Variants in CYP20A1 observed in about 807,000 individuals in gnomAD.
The protein encoded by CYP20A1 is cytochrome P450 family 20 subfamily A member 1.
Under a neutral mutation model 61.4 loss-of-function variants are expected in CYP20A1, and 61 were observed. The observed-to-expected ratio is 0.99, with a 90% confidence interval of 0.81 to 1.23. The LOEUF (loss-of-function observed/expected upper bound fraction) is 1.23, where lower values mean the gene tolerates loss of function less well. Among genes scored for constraint, CYP20A1 ranks in the 50% most tolerant of loss-of-function variants. The pLI, the probability that CYP20A1 is intolerant of heterozygous loss-of-function variation, is 0.00. For missense variants in CYP20A1, 530 were observed against 542.4 expected, an observed-to-expected ratio of 0.98 and a Z score of 0.23; for synonymous variants, 193 against 188.2, an observed-to-expected ratio of 1.03 and a Z score of -0.21.
intron 11 of CYP20A1, among the ~76,000 whole-genome samples, chr2:203,293,284 A>G (rs1575276736): frequency 8.2e-6 from 1 of 121,222 alleles, no homozygotes; most frequent in African/African-American, 3.2e-5. Context: ...GGTATGATCT[A>G]GTGTCACTGC....
intron 6 of CYP20A1, among the ~76,000 whole-genome samples, chr2:203,277,359 G>GAA (rs368683522): frequency 9.0e-6 from 1 of 111,142 alleles, no homozygotes; most frequent in Non-Finnish European, 2.0e-5. Context: ...AAAAAAAAAA[G>GAA]AAAAAGAAAA....
intron 8 of CYP20A1, among the ~76,000 whole-genome samples, chr2:203,281,600 A>G (rs2068042705): frequency 6.6e-6 from 1 of 152,104 alleles, no homozygotes; most frequent in Non-Finnish European, 1.5e-5. Context: ...CAGGAGTTCG[A>G]GACCAGCCTG....
chr2:203,266,366 G>GC, intron 4 of CYP20A1, 148 bp from the exon 5 acceptor site: 1 of 646,664 alleles, frequency 1.5e-6, no homozygotes, highest in Non-Finnish European at 2.7e-6. Flanking sequence ...TATAGGTGGA[G>GC]CTAGTGTTAG....
chr2:203,272,638 G>A (rs1349204167), intron 5 of CYP20A1, 32 bp from the exon 6 acceptor site: 3 of 1,370,664 alleles, frequency 2.2e-6, no homozygotes, highest in Non-Finnish European at 3.0e-6. Flanking sequence ...CTACCTATTA[G>A]ATAATAGTTA....
chr2:203,300,994 C>G lies in CYP20A1; in HGVS notation c.*4086C>G, dbSNP rs1214623101. 6.7e-6 allele frequency among the ~76,000 whole-genome samples: 1 copy of G among 148,684 alleles called. No homozygotes were observed. The highest frequency in any genetic ancestry group is 2.5e-5 in the African/African-American group (1 of 40,332). ...GGCAGATCACCTGAAGTCAGGAGTT[C>G]AAGACCAGCCTGACCAACATGGAGA... On this transcript the variant is annotated 3_prime_UTR_variant, in exon 13 of 13. Coordinates refer to ENST00000356079, the MANE Select transcript of CYP20A1 (RefSeq NM_177538.3).
chr2:203,252,435 C>T (rs1185085778), intron 4 of CYP20A1, among the ~76,000 whole-genome samples: 1 of 152,026 alleles, frequency 6.6e-6, no homozygotes, highest in African/African-American at 2.4e-5. Context: ...CACTCTGTCA[C>T]CCAGGCTGGA....
chr2:203,250,132 T>A (rs936281755), intron 3 of CYP20A1, among the ~76,000 whole-genome samples: 1 of 152,152 alleles, frequency 6.6e-6, no homozygotes, highest in Non-Finnish European at 1.5e-5. Context: ...ATCCATAAAT[T>A]GATCATCACA....
At chr2:203,292,219 A>G (rs772865248) in intron 10 of CYP20A1, 43 bp from the exon 11 acceptor site, 1 of 1,352,332 alleles carries the variant, frequency 7.4e-7, no homozygotes, top group South Asian at 1.3e-5. Context: ...GAGTCATTTT[A>G]TCTCTGTTAG....
At chr2:203,295,245 A>G (rs2068740778) in intron 11 of CYP20A1, among the ~76,000 whole-genome samples, 1 of 151,478 alleles carries the variant, frequency 6.6e-6, no homozygotes, top group South Asian at 2.1e-4. Flanking sequence ...GCGCCTGGCC[A>G]AAAATTTTTA....
At chr2:203,276,971 C>CA (rs1488942558) in intron 6 of CYP20A1, among the ~76,000 whole-genome samples, 1 of 151,968 alleles carries the variant, frequency 6.6e-6, no homozygotes, top group Non-Finnish European at 1.5e-5. Flanking sequence ...GAAAAAGAAT[C>CA]AAAAAAGGAG....
intron 8 of CYP20A1, among the ~76,000 whole-genome samples, chr2:203,285,167 G>A (rs942356464): frequency 5.3e-5 from 8 of 152,054 alleles, no homozygotes; most frequent in South Asian, 2.1e-4. Context: ...TTGATTTATC[G>A]ATAAATCTGC....
At position 203,279,994 on chromosome 2, in the gene CYP20A1, TAGC is replaced by T; in HGVS notation, c.796-62_796-60del. 17 of 1,023,762 alleles carry T rather than the reference TAGC, an allele frequency of 1.7e-5. No homozygotes were observed. The South Asian group carries it at 3.0e-4, about 18-fold the overall frequency. The allele number at this position is 1,023,762 out of a possible 1,614,324, so 63.4% of individuals were successfully genotyped here. A position where few individuals can be genotyped will look rare whatever the true frequency, so the allele number is the denominator to read the frequency against. On this transcript the variant is annotated intron_variant, in intron 7 of 12. Transcript: ENST00000356079. Reference sequence around the variant, plus strand: ...ACTAATTTTATGCTGTAGATTATTTTAGCAGGGCCTAATATAGGCTACCTTACA... The same window carrying T: ...ACTAATTTTATGCTGTAGATTATTTTAGGGCCTAATATAGGCTACCTTACA...
chr2:203,279,395 GAGA>G (rs1244848423), intron 7 of CYP20A1, among the ~76,000 whole-genome samples: 7 of 152,134 alleles, frequency 4.6e-5, no homozygotes, highest in Non-Finnish European at 1.0e-4. Context: ...TACAAAAGAG[GAGA>G]AGGACTTGTG....
Position 203,252,048 on chromosome 2 carries a change from A to T in CYP20A1, c.371A>T (p.Lys124Ile). Residue 124 changes from lysine to isoleucine, a missense_variant, in exon 4 of 13, where the codon AAA becomes ATA. Physicochemically the swap from Lys to Ile is moderately radical, Grantham distance 102. Transcript: ENST00000356079. Reference protein sequence around the residue: ...GGSVSENHMRKKLYENGVTDS... With the variant: ...GGSVSENHMRIKLYENGVTDS... Reference sequence around the variant, plus strand: ...AGTGTGAGTGAAAACCACATGAGGAAAAAATTGTATGAAAATGGTGTGACT... The same window carrying T: ...AGTGTGAGTGAAAACCACATGAGGATAAAATTGTATGAAAATGGTGTGACT... The T allele has an allele frequency of 3.1e-6, 5 of 1,611,334 alleles. No homozygotes were observed. Among genetic ancestry groups the T allele is most frequent in the Non-Finnish European group, 4.2e-6 (5 of 1,178,696 alleles).
intron 1 of CYP20A1, among the ~76,000 whole-genome samples, chr2:203,242,933 C>T (rs543393151): frequency 1.8e-3 from 278 of 152,258 alleles, no homozygotes; most frequent in African/African-American, 6.5e-3. Flanking sequence ...CTGTCAATTC[C>T]GCCCCTGAAC....
rs1235519979 is a variant in CYP20A1, at chr2:203,300,575, GT to G, written c.*3669del. On this transcript the variant is annotated 3_prime_UTR_variant, in exon 13 of 13. Coordinates refer to ENST00000356079, the MANE Select transcript of CYP20A1 (RefSeq NM_177538.3). ...ATTTTGATTTATATTCTTTTTGATAGTTCAGAAGTGTATTGTTAAAAAACAT... is the reference window on the plus strand; with the variant it reads ...ATTTTGATTTATATTCTTTTTGATAGTCAGAAGTGTATTGTTAAAAAACAT... Among the ~76,000 whole-genome samples the G allele has an allele frequency of 6.6e-6, 1 of 152,148 alleles. No individual in the cohort carries two copies. The highest frequency in any genetic ancestry group is 1.5e-5 in the Non-Finnish European group (1 of 68,024).
intron 9 of CYP20A1, among the ~76,000 whole-genome samples, chr2:203,287,215 CAAAAAAA>C (rs1168549640): frequency 5.5e-4 from 26 of 47,074 alleles, no homozygotes; most frequent in African/African-American, 1.6e-3. Flanking sequence ...GACCCTATCT[CAAAAAAA>C]AAAAAAAAAA....
At chr2:203,255,640 T>C (rs565683680) in intron 4 of CYP20A1, among the ~76,000 whole-genome samples, 138 of 152,334 alleles carry the variant, frequency 9.1e-4, no homozygotes, top group African/African-American at 3.2e-3. Context: ...GAAAACCCCT[T>C]TGTTCTTGGG....
intron 4 of CYP20A1, among the ~76,000 whole-genome samples, chr2:203,257,440 A>G (rs916502980): frequency 1.3e-5 from 2 of 151,988 alleles, no homozygotes; most frequent in Admixed American, 6.6e-5. Flanking sequence ...TTGTATTTAA[A>G]TATCTGGTAG....
Sources: allele counts gnomAD v4.1 joint callset (sites outside exome capture counted in the v4.1 genomes callset), GRCh38; gene constraint gnomAD v4.1.1; transcripts MANE v1.5; gene names NCBI Gene and HGNC (gene_info 2026-07-23, HGNC 2026-07-21).